Variants in DPP6 observed in about 807,000 individuals in gnomAD.
The protein encoded by DPP6 is dipeptidyl peptidase like 6, also known as A-type potassium channel modulatory protein DPP6.
A neutral mutation model predicts 122.6 loss-of-function variants in DPP6; 69 were observed. The observed-to-expected ratio is 0.56, with a 90% CI of 0.46 to 0.69. The LOEUF (loss-of-function observed/expected upper bound fraction) is 0.69. Ranked by LOEUF, DPP6 falls within the 30% of genes least tolerant of loss-of-function variation. DPP6 has a pLI of 0.00. For missense variants in DPP6, 928 were observed against 1,116.9 expected, an observed-to-expected ratio of 0.83 and a Z score of 2.41; for synonymous variants, 418 against 433.1, an observed-to-expected ratio of 0.97 and a Z score of 0.43.
chr7:153,918,297 CTTA>C (rs1334693098), intron 1 of DPP6, among the ~76,000 whole-genome samples: 2 of 152,028 alleles, frequency 1.3e-5, no homozygotes, highest in Non-Finnish European at 2.9e-5. Flanking sequence ...TTATTCATTC[CTTA>C]TTATTAGCTG....
chr7:154,761,877 A>G (rs1009275631), intron 8 of DPP6, among the ~76,000 whole-genome samples: 3 of 151,984 alleles, frequency 2.0e-5, no homozygotes, highest in Admixed American at 2.0e-4. Flanking sequence ...CTGGTGTGTG[A>G]TGTTCCCCAC....
chr7:154,596,487 T>A (rs1322690864), intron 5 of DPP6, among the ~76,000 whole-genome samples: 1 of 152,210 alleles, frequency 6.6e-6, no homozygotes, highest in Non-Finnish European at 1.5e-5. Context: ...TTTCCACAAG[T>A]CTTTATGTCC....
chr7:154,469,375 G>A (rs7790206), intron 2 of DPP6, among the ~76,000 whole-genome samples: 110,183 of 152,160 alleles, frequency 0.72, 41,320 homozygotes, highest in East Asian at 0.94. Context: ...ATATGTTTTT[G>A]TGTATTTTGA....
the DPP6 span, among the ~76,000 whole-genome samples, chr7:153,797,281 T>C: frequency 6.6e-6 from 1 of 151,872 alleles, no homozygotes; most frequent in African/African-American, 2.4e-5. Flanking sequence ...TAATTTGTTA[T>C]ACAATAAGAA....
In DPP6 at chr7:154,755,571, C is replaced by T. The variant is rs959128955; in HGVS notation, c.884-13846C>T. On this transcript the variant is annotated intron_variant, in intron 8 of 25. Transcript: ENST00000377770. The surrounding 1 kb of genome is among the most constrained non-coding windows in gnomAD (Gnocchi z 4.7). ...AGGATTAAATGAGTTAACCCATCTA[C>T]GCAGTTAGAGCCGGCTTGGCGTGTG... Among the ~76,000 whole-genome samples the T allele has an allele frequency of 1.3e-5, 2 of 152,286 alleles. No individual in the cohort carries two copies. The highest frequency in any genetic ancestry group is 6.8e-3 in the Middle Eastern group (2 of 294).
At chr7:154,060,891 C>G (rs972050629) in intron 1 of DPP6, among the ~76,000 whole-genome samples, 13 of 145,924 alleles carry the variant, frequency 8.9e-5, no homozygotes, top group Non-Finnish European at 1.8e-4. Context: ...GGAGGCACCC[C>G]CCACGAGGCG....
chr7:153,766,220 A>G, the DPP6 span, among the ~76,000 whole-genome samples: 4 of 152,210 alleles, frequency 2.6e-5, no homozygotes, highest in Non-Finnish European at 5.9e-5. Flanking sequence ...TTTTGGTGCC[A>G]TTCATTTGGA....
the DPP6 span, among the ~76,000 whole-genome samples, chr7:153,793,345 G>C: frequency 3.1e-3 from 450 of 145,652 alleles, no homozygotes; most frequent in African/African-American, 0.011. Context: ...CTGGAGCAAA[G>C]GTGACTCTTG....
At chr7:154,627,785 C>T (rs541440508) in intron 5 of DPP6, among the ~76,000 whole-genome samples, 22 of 152,258 alleles carry the variant, frequency 1.4e-4, no homozygotes, top group Admixed American at 6.5e-4. Context: ...GGCAAGATGC[C>T]GGGTCTTTGG....
At chr7:154,340,930 GA>G (rs1224941424) in intron 1 of DPP6, among the ~76,000 whole-genome samples, 5 of 151,980 alleles carry the variant, frequency 3.3e-5, no homozygotes, top group Admixed American at 3.3e-4. Context: ...ACGATTTTTT[GA>G]AAAACATTTC....
intron 21 of DPP6, chr7:154,884,549 G>A (rs1431353261): frequency 6.8e-6 from 1 of 147,444 alleles, no homozygotes; most frequent in African/African-American, 2.6e-5. Flanking sequence ...ACGCACACAT[G>A]CTCACATGCT....
intron 4 of DPP6, among the ~76,000 whole-genome samples, chr7:154,542,947 C>A (rs1026367743): frequency 1.3e-5 from 2 of 152,346 alleles, no homozygotes; most frequent in East Asian, 3.9e-4. Flanking sequence ...AACCTGGGTA[C>A]TCTGTGAGAT....
At chr7:154,708,704 A>C (rs1840974189) in intron 7 of DPP6, among the ~76,000 whole-genome samples, 1 of 152,224 alleles carries the variant, frequency 6.6e-6, no homozygotes, top group Non-Finnish European at 1.5e-5. Context: ...GGGATTAATT[A>C]AATAAACTGT....
the DPP6 span, among the ~76,000 whole-genome samples, chr7:153,764,246 A>G: frequency 6.6e-6 from 1 of 152,252 alleles, no homozygotes; most frequent in Middle Eastern, 3.4e-3. Context: ...GGAAACCTGC[A>G]CTGGGGAAGG....
intron 13 of DPP6, among the ~76,000 whole-genome samples, chr7:154,801,880 C>T (rs1798390495): frequency 6.6e-6 from 1 of 152,116 alleles, no homozygotes; most frequent in Non-Finnish European, 1.5e-5. Context: ...CTACCTCCAC[C>T]CGGAGTTGGA....
chr7:154,478,691 C>T (rs1429416569), intron 3 of DPP6, among the ~76,000 whole-genome samples: 1 of 152,130 alleles, frequency 6.6e-6, no homozygotes, highest in Non-Finnish European at 1.5e-5. Flanking sequence ...TGATTTGAAC[C>T]TAGGTCTGTC....
At chr7:154,849,347 TTTTC>T (rs1340168161) in intron 16 of DPP6, among the ~76,000 whole-genome samples, 1 of 152,228 alleles carries the variant, frequency 6.6e-6, no homozygotes, top group Non-Finnish European at 1.5e-5. Context: ...TCGTCTCCAA[TTTTC>T]TTTCATCAAT....
rs941912068 is a variant in DPP6, at chr7:154,674,562, G to A, written c.762+5121G>A. 5.3e-5 allele frequency among the ~76,000 whole-genome samples: 8 copies of A among 152,170 alleles called. No homozygotes were observed. In the South Asian group the frequency reaches 6.2e-4, roughly 12 times the overall value. On this transcript the variant is annotated intron_variant, in intron 7 of 25. Coordinates refer to ENST00000377770, the MANE Select transcript of DPP6 (RefSeq NM_130797.4). The stretch of plus-strand genomic sequence containing the variant: ...TAGGCAACATTAAGAATTCAAAGCC[G>A]GAATCTTTGCTGGTACACTCGGAAG...
At chr7:153,805,436 GA>G in the DPP6 span, among the ~76,000 whole-genome samples, 1 of 152,198 alleles carries the variant, frequency 6.6e-6, no homozygotes, top group African/African-American at 2.4e-5. Flanking sequence ...GTTAAGTTTT[GA>G]AAGAGTGGCA....
Sources: gnomAD v4.1 joint callset for allele counts (sites outside exome capture counted in the v4.1 genomes callset) on GRCh38, gnomAD v4.1.1 for gene constraint, Gnocchi (gnomAD v3.1) non-coding constraint, MANE v1.5 for transcripts, NCBI Gene and HGNC (gene_info 2026-07-23, HGNC 2026-07-21) for gene names.